The following DGKH variants were observed in gnomAD, a reference collection of about 807,000 sequenced individuals.
The protein encoded by DGKH is diacylglycerol kinase eta.
Under a neutral mutation model 159.3 loss-of-function variants are expected in DGKH, and 90 were observed. The observed-to-expected ratio is 0.57, with a 90% confidence interval of 0.48 to 0.67. The LOEUF (loss-of-function observed/expected upper bound fraction) is 0.67. DGKH is among the 30% of genes least tolerant of loss of function. The probability of loss-of-function intolerance (pLI) is 0.00; values close to 1 mark genes in which losing one functional copy is unlikely to be tolerated. For synonymous variants in DGKH, 536 were observed against 553.8 expected (o/e 0.97, Z 0.45); for missense variants, 1,181 against 1,506.1 (o/e 0.78, Z 3.57).
intron 1 of DGKH, among the ~76,000 whole-genome samples, chr13:42,100,449 C>T (rs1281467530): frequency 6.6e-6 from 1 of 151,996 alleles, no homozygotes; most frequent in Non-Finnish European, 1.5e-5. Context: ...GAAACCACCC[C>T]CTCCACCCCC....
At chr13:42,226,460 G>A (rs2138272375) in intron 29 of DGKH, among the ~76,000 whole-genome samples, 1 of 152,240 alleles carries the variant, frequency 6.6e-6, no homozygotes, top group East Asian at 1.9e-4. Context: ...ATACCCACAG[G>A]AATATAAATC....
At chr13:42,211,066 A>G (rs1957646034) in intron 24 of DGKH, among the ~76,000 whole-genome samples, 1 of 152,232 alleles carries the variant, frequency 6.6e-6, no homozygotes, top group African/African-American at 2.4e-5. Context: ...AAAGACTTCA[A>G]AAACCAATTT....
At chr13:42,064,776 C>T (rs538949890) in intron 1 of DGKH, among the ~76,000 whole-genome samples, 1 of 152,218 alleles carries the variant, frequency 6.6e-6, no homozygotes, top group East Asian at 1.9e-4. Context: ...ATCTCTAGCT[C>T]ATGTATGCAC....
At chr13:42,054,306 T>C (rs967959686) in intron 1 of DGKH, among the ~76,000 whole-genome samples, 1 of 152,114 alleles carries the variant, frequency 6.6e-6, no homozygotes, top group African/African-American at 2.4e-5. Flanking sequence ...TCCAAATAGA[T>C]GGGAAACAGA....
chr13:42,208,027 C>T lies in DGKH; in HGVS notation c.2602-932C>T, dbSNP rs553573891. 3.6e-4 allele frequency among the ~76,000 whole-genome samples: 55 copies of T among 152,078 alleles called. 1 individual carries two copies. In the South Asian group the frequency reaches 0.01, roughly 29 times the overall value. On this transcript the variant is annotated intron_variant, in intron 21 of 29. Transcript: ENST00000337343. ...TTCCTTGAACACCTGCTAGGTAGTCCGACAATGTTCTAAGAGCTTCACATT... is the reference window on the plus strand; with the variant it reads ...TTCCTTGAACACCTGCTAGGTAGTCTGACAATGTTCTAAGAGCTTCACATT...
chr13:42,072,734 C>A (rs1566086824), intron 1 of DGKH, among the ~76,000 whole-genome samples: 2 of 152,104 alleles, frequency 1.3e-5, no homozygotes. Flanking sequence ...ATGTTTTTAA[C>A]CAATGAATTT....
chr13:42,087,626 G>C (rs1954333232), intron 1 of DGKH, among the ~76,000 whole-genome samples: 1 of 151,982 alleles, frequency 6.6e-6, no homozygotes, highest in Non-Finnish European at 1.5e-5. Flanking sequence ...TGCAATATCT[G>C]AAATGAAAAT....
rs201481197 is a variant in DGKH, at chr13:42,164,674, A to G, written c.856-657A>G. 7.2e-5 allele frequency among the ~76,000 whole-genome samples: 11 copies of G among 152,286 alleles called. No homozygotes were observed. In the East Asian group the frequency reaches 1.5e-3, roughly 21 times the overall value. On this transcript the variant is annotated intron_variant, in intron 7 of 29. Transcript: ENST00000337343. ...TATCCTTGTTTTTGTTCTCAGTAGT[A>G]CCTTGCATGACCATGAAACTCATTT...
At chr13:42,159,497 T>G (rs888272459) in intron 6 of DGKH, 125 bp downstream of exon 6, 3 of 736,934 alleles carry the variant, frequency 4.1e-6, no homozygotes. Flanking sequence ...TTTGGTTGAT[T>G]CTGAGTTTTT....
At chr13:42,172,054 T>A (rs1311048580) in intron 11 of DGKH, among the ~76,000 whole-genome samples, 2 of 152,064 alleles carry the variant, frequency 1.3e-5, no homozygotes, top group African/African-American at 4.8e-5. Context: ...GGTCTTGATC[T>A]CCTGACCTCG....
At chr13:42,047,206 A>G (rs1319117792), upstream of DGKH, among the ~76,000 whole-genome samples, 1 of 152,220 alleles carries the variant, frequency 6.6e-6, no homozygotes, top group Non-Finnish European at 1.5e-5. Flanking sequence ...CACATTTTAC[A>G]TTTTAATGAA....
chr13:42,110,190 G>A (rs1053604101), intron 1 of DGKH, among the ~76,000 whole-genome samples: 2 of 152,152 alleles, frequency 1.3e-5, no homozygotes, highest in Non-Finnish European at 2.9e-5. Flanking sequence ...GTAGATGTGA[G>A]ATTCCTGATT....
chr13:42,073,429 A>G (rs907511408), intron 1 of DGKH, among the ~76,000 whole-genome samples: 5 of 152,208 alleles, frequency 3.3e-5, no homozygotes, highest in African/African-American at 9.6e-5. Context: ...GGCAAAAGCA[A>G]TACATATTTA....
intron 1 of DGKH, among the ~76,000 whole-genome samples, chr13:42,090,683 A>G (rs1052879880): frequency 2.0e-5 from 3 of 152,164 alleles, no homozygotes; most frequent in Admixed American, 6.5e-5. Flanking sequence ...GGAGAACTAG[A>G]TATCTGTATT....
At chr13:42,071,191 A>G (rs531245126) in intron 1 of DGKH, 46 of 490,388 alleles carry the variant, frequency 9.4e-5, no homozygotes, top group Non-Finnish European at 1.5e-4. Flanking sequence ...TCAAAAAGGG[A>G]TAAGAAAAAT....
intron 20 of DGKH, among the ~76,000 whole-genome samples, chr13:42,200,522 T>C (rs1342678058): frequency 1.3e-5 from 2 of 152,220 alleles, no homozygotes; most frequent in Non-Finnish European, 2.9e-5. Context: ...TTACCTTTGA[T>C]CCAGGACTCA....
intron 1 of DGKH, among the ~76,000 whole-genome samples, chr13:42,086,428 G>C (rs1954303208): frequency 6.6e-6 from 1 of 152,044 alleles, no homozygotes; most frequent in African/African-American, 2.4e-5. Context: ...TAACTTTATT[G>C]TTACATGGTC....
upstream of DGKH, among the ~76,000 whole-genome samples, chr13:42,047,438 T>C (rs1050036064): frequency 6.6e-5 from 10 of 152,244 alleles, no homozygotes; most frequent in Non-Finnish European, 1.2e-4. Flanking sequence ...GATTGAATGC[T>C]TTCTCCAGGT....
Position 42,206,975 on chromosome 13 carries a change from T to TTTTCTTTCTCTC in DGKH, c.2601+838_2601+839insCTCTTTCTTTCT, listed in dbSNP as rs1555275942. Among the ~76,000 whole-genome samples the TTTTCTTTCTCTC allele has an allele frequency of 7.3e-5, 6 of 82,352 alleles. No individual in the cohort carries two copies. In the East Asian group the frequency reaches 2.4e-3, roughly 34 times the overall value. The allele number at this position is 82,352 out of a possible 152,430, so 54.0% of individuals were successfully genotyped here. A position where few individuals can be genotyped will look rare whatever the true frequency, so the allele number is the denominator to read the frequency against. ...CACAATACCTTTTGGTACTTTTACTTTTTCTTTCTTTCTTTCTTTCTTTCT... is the reference window on the plus strand; with the variant it reads ...CACAATACCTTTTGGTACTTTTACTTTTTCTTTCTCTCTTTCTTTCTTTCTTTCTTTCTTTCT... On this transcript the variant is annotated intron_variant, in intron 21 of 29. Transcript: ENST00000337343.
Sources: gnomAD v4.1 joint callset for allele counts (sites outside exome capture counted in the v4.1 genomes callset) on GRCh38, gnomAD v4.1.1 for gene constraint, MANE v1.5 for transcripts, NCBI Gene and HGNC (gene_info 2026-07-23, HGNC 2026-07-21) for gene names.